The following CDH19 variants were observed in gnomAD, a reference collection of about 807,000 sequenced individuals.
CDH19 encodes cadherin-19.
CDH19 carries 67 observed loss-of-function variants against 64.2 expected under a neutral mutation model. That is an observed-to-expected ratio of 1.04 (90% CI 0.86 to 1.28). CDH19 has a LOEUF of 1.28. Among genes scored for constraint, CDH19 ranks in the 50% most tolerant of loss-of-function variants. The pLI is 0.00. For synonymous variants in CDH19, 346 were observed against 319.3 expected (o/e 1.08, Z -0.89); for missense variants, 1,030 against 929.0 (o/e 1.11, Z -1.41).
rs1248413448 is a variant in CDH19 at position 66,503,054 on chromosome 18, G to A, written c.*1758C>T. The A allele has an allele frequency of 6.6e-6, 1 of 151,480 alleles. No individual in the cohort carries two copies. The highest frequency in any genetic ancestry group is 2.4e-5 in the African/African-American group (1 of 41,310). 9.4% of individuals were successfully genotyped at this position (151,480 alleles called of 1,614,324 possible). A position where few individuals can be genotyped will look rare whatever the true frequency, so the allele number is the denominator to read the frequency against. Reference sequence around the variant, plus strand: ...CAAATTATTTGATTTAACATATATGGCCAGTTTGGTTCAGCTTAGTCTCAC... The same window carrying A: ...CAAATTATTTGATTTAACATATATGACCAGTTTGGTTCAGCTTAGTCTCAC... On this transcript the variant is annotated 3_prime_UTR_variant, in exon 12 of 12. Coordinates refer to ENST00000262150, the MANE Select transcript of CDH19 (RefSeq NM_021153.4).
At chr18:66,544,957 G>A in intron 5 of CDH19, 54 bp from the exon 6 acceptor site, 1 of 1,272,408 alleles carries the variant, frequency 7.9e-7, no homozygotes, top group South Asian at 1.6e-5. Context: ...TAGACAACTT[G>A]CAATTATAGT....
intron 3 of CDH19, among the ~76,000 whole-genome samples, chr18:66,559,275 A>G (rs1354808727): frequency 6.6e-6 from 1 of 152,084 alleles, no homozygotes; most frequent in East Asian, 1.9e-4. Flanking sequence ...CATTTGCAAT[A>G]AAAACTTTTT....
At chr18:66,556,126 T>G (rs536523968) in intron 3 of CDH19, among the ~76,000 whole-genome samples, 12 of 151,738 alleles carry the variant, frequency 7.9e-5, no homozygotes, top group African/African-American at 2.7e-4. Context: ...TCCAGTCCAG[T>G]TTTTTTAGCA....
chr18:66,507,205 T>C (rs1233166399), intron 11 of CDH19, among the ~76,000 whole-genome samples: 1 of 151,962 alleles, frequency 6.6e-6, no homozygotes, highest in African/African-American at 2.4e-5. Flanking sequence ...TATGTAGCTA[T>C]GAATTCAGCT....
At chr18:66,561,191 G>A (rs1246429896) in intron 3 of CDH19, among the ~76,000 whole-genome samples, 1 of 152,054 alleles carries the variant, frequency 6.6e-6, no homozygotes, top group Non-Finnish European at 1.5e-5. Context: ...CAAGTACAAA[G>A]TAAATGTTTG....
At chr18:66,600,059 A>G (rs1989000841) in intron 1 of CDH19, among the ~76,000 whole-genome samples, 1 of 151,940 alleles carries the variant, frequency 6.6e-6, no homozygotes, top group Non-Finnish European at 1.5e-5. Flanking sequence ...AAGTATGTAA[A>G]TCCTTTGAAA....
rs766362852 is a variant in CDH19, at chr18:66,551,247, T to A, written c.622A>T (p.Ile208Leu). 7.1e-7 allele frequency: 1 copy of A among 1,411,422 alleles called. No homozygotes were observed. Among genetic ancestry groups the A allele is most frequent in the East Asian group, 2.3e-5 (1 of 43,744 alleles). The allele number at this position is 1,411,422 out of a possible 1,614,324, so 87.4% of individuals were successfully genotyped here. ...AGTTCTCTATCCATTTTAGAAGATA[T>A]TCTTATGACTCCTTTAAAAATATAA... The part of the protein sequence containing the change: ...SVEPTTGVIR[I>L]SSKMDRELQD... Residue 208 changes from isoleucine (I) to leucine (L), a missense_variant, in exon 5 of 12, where the codon ATA (isoleucine) becomes TTA (leucine). Physicochemically the swap from Ile to Leu is conservative, Grantham distance 5. Transcript: ENST00000262150.
chr18:66,567,467 A>T (rs1300696431), intron 3 of CDH19, among the ~76,000 whole-genome samples: 1 of 151,796 alleles, frequency 6.6e-6, no homozygotes, highest in African/African-American at 2.4e-5. Flanking sequence ...ATTTGTCTTG[A>T]TATATATTAC....
At chr18:66,557,104 A>G (rs1987546979) in intron 3 of CDH19, among the ~76,000 whole-genome samples, 1 of 152,138 alleles carries the variant, frequency 6.6e-6, no homozygotes, top group South Asian at 2.1e-4. Flanking sequence ...TAGTAAAGAT[A>G]TCTGCATTCC....
intron 5 of CDH19, among the ~76,000 whole-genome samples, chr18:66,550,603 G>A (rs1014839791): frequency 6.6e-6 from 1 of 152,072 alleles, no homozygotes; most frequent in African/African-American, 2.4e-5. Context: ...TGGGTTAGAG[G>A]GTTGTCAGTG....
At chr18:66,578,371 G>A (rs764410020) in intron 1 of CDH19, among the ~76,000 whole-genome samples, 100 of 151,830 alleles carry the variant, frequency 6.6e-4, no homozygotes, top group Non-Finnish European at 1.0e-3. Flanking sequence ...GTTAAAAAAT[G>A]ATAATCAACA....
chr18:66,521,525 T>TATTTATTTATTTA (rs1158647660), intron 9 of CDH19, among the ~76,000 whole-genome samples: 78 of 47,330 alleles, frequency 1.6e-3, no homozygotes, highest in African/African-American at 4.1e-3. Context: ...TTTATTTATT[T>TATTTATTTATTTA]TGTTTGTTTG....
chr18:66,562,719 G>A (rs1280828119), intron 3 of CDH19, among the ~76,000 whole-genome samples: 1 of 152,104 alleles, frequency 6.6e-6, no homozygotes, highest in Non-Finnish European at 1.5e-5. Context: ...AAATTTTAGT[G>A]TGATAATAGT....
chr18:66,543,886 T>TA (rs999017871), intron 7 of CDH19, 85 bp downstream of exon 7: 140 of 1,044,170 alleles, frequency 1.3e-4, no homozygotes, highest in African/African-American at 7.3e-4. Context: ...CCCTCTCAAT[T>TA]AAAAAAAAGA....
At chr18:66,513,606 T>C (rs939118392) in intron 9 of CDH19, among the ~76,000 whole-genome samples, 11 of 151,468 alleles carry the variant, frequency 7.3e-5, no homozygotes, top group Non-Finnish European at 1.5e-4. Flanking sequence ...CCTTTAAATA[T>C]ACCAATGGAA....
At chr18:66,597,081 C>CAA (rs35253366) in intron 1 of CDH19, among the ~76,000 whole-genome samples, 2,339 of 26,266 alleles carry the variant, frequency 0.089, 276 homozygotes, top group African/African-American at 0.15. Context: ...GACTCCATCT[C>CAA]AAAAAAAAAA....
chr18:66,570,890 C>T (rs1471188814), intron 2 of CDH19, among the ~76,000 whole-genome samples: 1 of 151,554 alleles, frequency 6.6e-6, no homozygotes, highest in African/African-American at 2.4e-5. Context: ...AAGCCAATAG[C>T]TGATTTTAGC....
chr18:66,514,828 T>G (rs986489047), intron 9 of CDH19, among the ~76,000 whole-genome samples: 4 of 151,584 alleles, frequency 2.6e-5, no homozygotes, highest in African/African-American at 9.7e-5. Context: ...CTCACATTCT[T>G]CAAACCAAAG....
At chr18:66,522,243 C>G (rs751686813) in intron 9 of CDH19, among the ~76,000 whole-genome samples, 1 of 148,386 alleles carries the variant, frequency 6.7e-6, no homozygotes, top group Non-Finnish European at 1.5e-5. Context: ...CCACCCAGCC[C>G]GGCGTAGTTT....
Sources: gnomAD v4.1 joint callset for allele counts (sites outside exome capture counted in the v4.1 genomes callset) on GRCh38, gnomAD v4.1.1 for gene constraint, MANE v1.5 for transcripts, NCBI Gene and HGNC (gene_info 2026-07-23, HGNC 2026-07-21) for gene names.